The following PRKCA variants were observed in gnomAD, a reference collection of about 807,000 sequenced individuals.
PRKCA encodes the protein protein kinase C alpha type.
In PRKCA, 27 loss-of-function variants were observed where a neutral mutation model predicts 87.0. The observed-to-expected ratio is 0.31, with a 90% CI of 0.23 to 0.43. PRKCA has a LOEUF of 0.43. PRKCA is among the 20% of genes least tolerant of loss of function. The pLI is 1.00. For missense variants in PRKCA, 518 were observed against 852.3 expected (o/e 0.61, Z 4.88); for synonymous variants, 329 against 311.1 (o/e 1.06, Z -0.61).
intron 8 of PRKCA, among the ~76,000 whole-genome samples, chr17:66,705,785 A>T (rs1026581917): frequency 6.6e-6 from 1 of 152,192 alleles, no homozygotes; most frequent in Non-Finnish European, 1.5e-5. Context: ...TGAACATGGC[A>T]GCTAAACATT....
Position 66,804,168 on chromosome 17 carries a change from G to C in PRKCA, c.*131G>C, listed in dbSNP as rs534215474. On this transcript the variant is annotated 3_prime_UTR_variant, in exon 17 of 17. Transcript: ENST00000413366. ...CATATGGAGGCCTGAAAATTGTAGG[G>C]TTATTAGTCCAAATGTGATCAACTG... The C allele has an allele frequency of 2.4e-6, 3 of 1,264,512 alleles. No homozygotes were observed. The Admixed American group carries it at 8.2e-5, about 35-fold the overall frequency. 78.3% of individuals were successfully genotyped at this position (1,264,512 alleles called of 1,614,324 possible).
chr17:66,540,495 GC>G (rs1567886073), intron 3 of PRKCA, among the ~76,000 whole-genome samples: 1 of 152,188 alleles, frequency 6.6e-6, no homozygotes, highest in African/African-American at 2.4e-5. Flanking sequence ...CTCATAAATA[GC>G]CCAGAGCAGT....
At chr17:66,673,200 G>T (rs4324168) in intron 5 of PRKCA, among the ~76,000 whole-genome samples, 1,864 of 152,236 alleles carry the variant, frequency 0.012, 45 homozygotes, top group African/African-American at 0.042. Context: ...AAATATTTAT[G>T]ATCTTTTTCC....
In PRKCA at chr17:66,665,062, T is replaced by C. The variant is rs148881729; in HGVS notation, c.529+19551T>C. 3.6e-3 allele frequency among the ~76,000 whole-genome samples: 551 copies of C among 152,320 alleles called. 5 individuals are homozygous for C. The highest frequency in any genetic ancestry group is 4.3e-3 in the Non-Finnish European group (294 of 68,026). ...GCAGAATCCCCGAACTCATGGTGCCTGGGACCCAGCATGTTCTCAGTGTGT... is the reference window on the plus strand; with the variant it reads ...GCAGAATCCCCGAACTCATGGTGCCCGGGACCCAGCATGTTCTCAGTGTGT... On this transcript the variant is annotated intron_variant, in intron 5 of 16. Transcript: ENST00000413366.
chr17:66,746,863 A>G (rs1468258437), intron 13 of PRKCA, among the ~76,000 whole-genome samples: 1 of 152,154 alleles, frequency 6.6e-6, no homozygotes, highest in Non-Finnish European at 1.5e-5. Context: ...CCATCTCTGA[A>G]ACTTAGTTAT....
intron 2 of PRKCA, among the ~76,000 whole-genome samples, chr17:66,429,268 A>G (rs776636276): frequency 1.3e-5 from 2 of 152,224 alleles, no homozygotes; most frequent in South Asian, 2.1e-4. Context: ...TCCGCATAGT[A>G]GAAACATCTT....
At chr17:66,452,052 C>A (rs773203442) in intron 2 of PRKCA, among the ~76,000 whole-genome samples, 15 of 152,290 alleles carry the variant, frequency 9.8e-5, no homozygotes, top group South Asian at 2.1e-4. Context: ...CAGTGTGCGT[C>A]CCTCATTTAT....
chr17:66,629,732 A>C (rs867057514), intron 3 of PRKCA, among the ~76,000 whole-genome samples: 55 of 152,330 alleles, frequency 3.6e-4, no homozygotes, highest in African/African-American at 1.1e-3. Context: ...AGTGGTTGTC[A>C]GGAGTTAGGG....
chr17:66,725,182 C>G (rs1236528650), intron 8 of PRKCA, among the ~76,000 whole-genome samples: 1 of 152,164 alleles, frequency 6.6e-6, no homozygotes, highest in Non-Finnish European at 1.5e-5. Context: ...CCAGCATGAA[C>G]AGTGATTGCT....
intron 3 of PRKCA, among the ~76,000 whole-genome samples, chr17:66,590,362 C>T (rs2143533135): frequency 6.6e-6 from 1 of 152,264 alleles, no homozygotes; most frequent in South Asian, 2.1e-4. Flanking sequence ...CAGTCTCCAC[C>T]CCTGTTAGTT....
intron 3 of PRKCA, among the ~76,000 whole-genome samples, chr17:66,500,269 T>C (rs1916669554): frequency 6.6e-6 from 1 of 152,196 alleles, no homozygotes; most frequent in South Asian, 2.1e-4. Flanking sequence ...TAGGGCTTTC[T>C]GCAGCCAAGG....
intron 3 of PRKCA, among the ~76,000 whole-genome samples, chr17:66,557,573 T>C (rs868072277): frequency 1.7e-4 from 26 of 152,196 alleles, no homozygotes; most frequent in South Asian, 1.2e-3. Context: ...TGCTCTCTCA[T>C]GTAATAGGTA....
chr17:66,637,872 A>G (rs28481727), intron 3 of PRKCA, among the ~76,000 whole-genome samples: 80,658 of 151,878 alleles, frequency 0.53, 21,559 homozygotes, highest in African/African-American at 0.59. Context: ...ACAAGTTCCA[A>G]GTGATGTGAT....
chr17:66,576,371 C>T (rs1008049224), intron 3 of PRKCA, among the ~76,000 whole-genome samples: 3 of 152,164 alleles, frequency 2.0e-5, no homozygotes, highest in African/African-American at 7.2e-5. Context: ...TGGGTTTTGG[C>T]CTCTTGAAAT....
intron 2 of PRKCA, among the ~76,000 whole-genome samples, chr17:66,325,517 T>C (rs914924040): frequency 6.6e-6 from 1 of 152,166 alleles, no homozygotes; most frequent in Non-Finnish European, 1.5e-5. Context: ...TGTTTGACCT[T>C]ATAGGAACCA....
intron 13 of PRKCA, 97 bp downstream of exon 13, chr17:66,742,857 G>A (rs373944732): frequency 1.4e-6 from 2 of 1,399,438 alleles, no homozygotes; most frequent in Non-Finnish European, 1.9e-6. Context: ...CATGAAGTCA[G>A]TGCATGGTCA....
At chr17:66,714,190 A>T (rs1973414024) in intron 8 of PRKCA, among the ~76,000 whole-genome samples, 1 of 151,974 alleles carries the variant, frequency 6.6e-6, no homozygotes, top group Non-Finnish European at 1.5e-5. Context: ...CTCTGCTTTG[A>T]GGCCACTTGC....
At chr17:66,377,868 C>G (rs1298824034) in intron 2 of PRKCA, among the ~76,000 whole-genome samples, 2 of 151,294 alleles carry the variant, frequency 1.3e-5, no homozygotes, top group African/African-American at 4.8e-5. Flanking sequence ...TGATCCTCCC[C>G]CTTCAACCTC....
chr17:66,368,984 C>T (rs1047675703), intron 2 of PRKCA, among the ~76,000 whole-genome samples: 1 of 152,120 alleles, frequency 6.6e-6, no homozygotes, highest in Admixed American at 6.5e-5. Context: ...TCCATGATTC[C>T]GTGAGCTTTC....
Sources: allele counts gnomAD v4.1 joint callset (sites outside exome capture counted in the v4.1 genomes callset), GRCh38; gene constraint gnomAD v4.1.1; transcripts MANE v1.5; gene names NCBI Gene and HGNC (gene_info 2026-07-23, HGNC 2026-07-21).